The following STAG2 variants were observed in gnomAD, a reference collection of about 807,000 sequenced individuals.
The protein encoded by STAG2 is STAG2 cohesin complex component, also known as cohesin subunit SA-2.
STAG2 carries 14 observed loss-of-function variants against 108.1 expected under a neutral mutation model. The observed-to-expected ratio is 0.13, with a 90% CI of 0.09 to 0.20. STAG2 has a LOEUF of 0.20. Among genes scored for constraint, STAG2 ranks in the 10% least tolerant of loss-of-function variants. The pLI, the probability that STAG2 is intolerant of heterozygous loss-of-function variation, is 1.00. For missense variants in STAG2, 440 were observed against 940.9 expected (o/e 0.47, Z 6.96); for synonymous variants, 307 against 302.7 (o/e 1.01, Z -0.15).
At chrX:124,050,083 C>T (rs2148216745) in intron 10 of STAG2, 103 bp from the exon 11 acceptor site, 8 of 928,827 alleles carry the variant, frequency 8.6e-6, no homozygotes, top group Non-Finnish European at 1.2e-5. Flanking sequence ...AAGATAATGT[C>T]ATATTCATAG....
chrX:124,015,033 C>G (rs1278868431), intron 1 of STAG2, among the ~76,000 whole-genome samples: 1 of 78,874 alleles, frequency 1.3e-5, no homozygotes, highest in African/African-American at 5.1e-5. Context: ...GTCGCCCAGG[C>G]TGGAGTGCAG....
intron 15 of STAG2, among the ~76,000 whole-genome samples, chrX:124,059,414 A>G (rs886774604): frequency 1.8e-5 from 2 of 112,302 alleles, no homozygotes; most frequent in South Asian, 3.7e-4. Context: ...GTAGATATTT[A>G]TAATCCGATT....
intron 15 of STAG2, 86 bp from the exon 16 acceptor site, chrX:124,061,138 A>G (rs1321729764): frequency 1.6e-6 from 1 of 630,194 alleles, no homozygotes; most frequent in African/African-American, 2.3e-5. Context: ...GAGAGTTTGT[A>G]GATGATGTCA....
rs370991865 is a variant in STAG2, at chrX:124,063,083, T to C, written c.1732-33T>C. On this transcript the variant is annotated intron_variant, in intron 18 of 34. Transcript: ENST00000371145. Reference sequence around the variant, plus strand: ...AGAATATTATAATGCTTTCTTATTGTGATATTTTTAACGTGATCTTTATAT... The same window carrying C: ...AGAATATTATAATGCTTTCTTATTGCGATATTTTTAACGTGATCTTTATAT... 7.9e-5 allele frequency: 93 copies of C among 1,177,002 alleles called. No individual in the cohort carries two copies. The East Asian group carries it at 1.2e-3, about 15-fold the overall frequency.
chrX:124,050,797 A>G (rs759495641), intron 11 of STAG2, among the ~76,000 whole-genome samples: 13 of 111,672 alleles, frequency 1.2e-4, no homozygotes, highest in Non-Finnish European at 2.1e-4. Context: ...ATTGTATATA[A>G]TTCTTTCCAA....
intron 32 of STAG2, 95 bp from the exon 33 acceptor site, chrX:124,093,923 C>T: frequency 1.1e-6 from 1 of 949,824 alleles, no homozygotes; most frequent in East Asian, 3.2e-5. Context: ...CATCATTTTC[C>T]ATTATACTTG....
At chrX:124,030,083 A>G (rs1411316122) in intron 4 of STAG2, among the ~76,000 whole-genome samples, 1 of 111,487 alleles carries the variant, frequency 9.0e-6, no homozygotes, top group Non-Finnish European at 1.9e-5. Flanking sequence ...CAAGAATGAG[A>G]TTGATAAACC....
intron 1 of STAG2, among the ~76,000 whole-genome samples, chrX:124,016,389 ATAAAAAAT>A (rs2056729343): frequency 8.9e-6 from 1 of 111,904 alleles, no homozygotes; most frequent in Non-Finnish European, 1.9e-5. Context: ...AAGATTGTAA[ATAAAAAAT>A]TAAAAAATTA....
intron 1 of STAG2, among the ~76,000 whole-genome samples, chrX:124,014,722 T>C (rs1410688977): frequency 3.6e-5 from 4 of 110,975 alleles, no homozygotes; most frequent in Non-Finnish European, 7.5e-5. Flanking sequence ...TTAGGAAATA[T>C]AGACAGGGTC....
intron 1 of STAG2, among the ~76,000 whole-genome samples, chrX:123,977,127 A>G (rs190987335): frequency 2.7e-5 from 3 of 112,054 alleles, no homozygotes; most frequent in Non-Finnish European, 3.8e-5. Flanking sequence ...GCTTAGCGGC[A>G]GGGAGATGAT....
chrX:124,088,240 C>CT (rs1048229777), intron 30 of STAG2, among the ~76,000 whole-genome samples: 231 of 104,890 alleles, frequency 2.2e-3, no homozygotes, highest in African/African-American at 7.0e-3. Context: ...AGAAATCTCT[C>CT]TTTTTTTTTT....
intron 1 of STAG2, among the ~76,000 whole-genome samples, chrX:124,008,219 T>C (rs1386939186): frequency 1.2e-4 from 13 of 106,748 alleles, no homozygotes; most frequent in Non-Finnish European, 2.1e-4. Flanking sequence ...TTCTTTCTTT[T>C]TTTTTTTTTT....
rs1045868914 is a variant in STAG2 at position 124,053,271 on chromosome X, A to G, written c.1196+1877A>G. ...TCATTTCAAAATAATATGACGTTTT[A>G]TAAAAATACCTAGAAATAAGAAATC... is the stretch of plus-strand genomic sequence containing the variant. On this transcript the variant is annotated intron_variant, in intron 13 of 34. Transcript: ENST00000371145. Among the ~76,000 whole-genome samples, 13 of 112,529 alleles carry G rather than the reference A, an allele frequency of 1.2e-4. No homozygotes were observed. The East Asian group carries it at 3.6e-3, about 31-fold the overall frequency.
chrX:124,032,193 A>T (rs1160679808), intron 5 of STAG2, among the ~76,000 whole-genome samples: 1 of 112,369 alleles, frequency 8.9e-6, no homozygotes, highest in Non-Finnish European at 1.9e-5. Flanking sequence ...TGAGTGACCT[A>T]ATATAATTAT....
At chrX:124,095,190 GT>G (rs773684868) in intron 33 of STAG2, among the ~76,000 whole-genome samples, 181 bp from the exon 34 acceptor site, 6 of 112,344 alleles carry the variant, frequency 5.3e-5, no homozygotes, top group Non-Finnish European at 1.1e-4. Flanking sequence ...GCCTCCCAAA[GT>G]GCTGGGATTA....
intron 1 of STAG2, among the ~76,000 whole-genome samples, chrX:123,977,131 AGAT>A (rs755041154): frequency 1.6e-3 from 182 of 112,074 alleles, no homozygotes; most frequent in African/African-American, 5.7e-3. Flanking sequence ...AGCGGCAGGG[AGAT>A]GATAAAGTTT....
Position 124,101,270 on chromosome X carries a change from C to G in STAG2, c.*673C>G. 6.6e-6 allele frequency: 1 copy of G among 151,048 alleles called. No homozygotes were observed. Among genetic ancestry groups the G allele is most frequent in the Non-Finnish European group, 1.3e-5 (1 of 76,994 alleles). 12.4% of individuals were successfully genotyped at this position (151,048 alleles called of 1,213,427 possible). ...ATGCAGTGAACTGCCAGAAGGTAACCAGTCTCAAACATGCTTATCCCATTA... is the reference window on the plus strand; with the variant it reads ...ATGCAGTGAACTGCCAGAAGGTAACGAGTCTCAAACATGCTTATCCCATTA... On this transcript the variant is annotated 3_prime_UTR_variant, in exon 35 of 35. Coordinates refer to ENST00000371145, the MANE Select transcript of STAG2 (RefSeq NM_001042750.2).
chrX:124,087,703 A>G (rs753615802), intron 30 of STAG2, among the ~76,000 whole-genome samples: 12 of 112,515 alleles, frequency 1.1e-4, no homozygotes, highest in African/African-American at 1.9e-4. Flanking sequence ...GCCATATTCT[A>G]TTGGCCAAGC....
intron 34 of STAG2, among the ~76,000 whole-genome samples, chrX:124,095,759 A>G (rs2059360565): frequency 9.0e-6 from 1 of 111,320 alleles, no homozygotes; most frequent in Admixed American, 9.6e-5. Context: ...AGGTAATGGC[A>G]TGATCAGAAT....
Sources: gnomAD v4.1 joint callset for allele counts (sites outside exome capture counted in the v4.1 genomes callset) on GRCh38, gnomAD v4.1.1 for gene constraint, MANE v1.5 for transcripts, NCBI Gene and HGNC (gene_info 2026-07-23, HGNC 2026-07-21) for gene names.